M1AP: variants seen among roughly 807,000 people sequenced by gnomAD.
M1AP encodes the protein meiosis 1 arrest protein.
Under a neutral mutation model 51.2 loss-of-function variants are expected in M1AP, and 39 were observed. The observed-to-expected ratio is 0.76, with a 90% CI of 0.59 to 1.00. M1AP has a LOEUF of 1.00. Among genes scored for constraint, M1AP ranks in the 50% least tolerant of loss-of-function variants. M1AP has a pLI of 0.00. For missense variants in M1AP, 545 were observed against 641.2 expected, an observed-to-expected ratio of 0.85 and a Z score of 1.62; for synonymous variants, 251 against 249.2, an observed-to-expected ratio of 1.01 and a Z score of -0.07.
chr2:74,562,724 A>T (rs1678110892), intron 7 of M1AP, among the ~76,000 whole-genome samples: 1 of 152,198 alleles, frequency 6.6e-6, no homozygotes, highest in Non-Finnish European at 1.5e-5. Flanking sequence ...TACCACATTC[A>T]GCATACATGT....
chr2:74,613,157 C>T (rs1681467363), intron 3 of M1AP, among the ~76,000 whole-genome samples: 1 of 152,128 alleles, frequency 6.6e-6, no homozygotes. Context: ...TTCCATCTTT[C>T]TGCTTACATT....
chr2:74,624,479 T>C (rs867907670), intron 2 of M1AP, among the ~76,000 whole-genome samples: 11 of 152,184 alleles, frequency 7.2e-5, no homozygotes, highest in Non-Finnish European at 1.3e-4. Context: ...ATAACTTAGA[T>C]TGATGTTTCA....
At chr2:74,607,273 G>C in intron 3 of M1AP, 50 bp from the exon 4 acceptor site, 1 of 1,576,420 alleles carries the variant, frequency 6.3e-7, no homozygotes, top group South Asian at 1.1e-5. Flanking sequence ...GATGTACAGA[G>C]TGAGGAACAT....
At chr2:74,562,523 A>G in intron 7 of M1AP, 100 bp from the exon 8 acceptor site, 3 of 1,333,688 alleles carry the variant, frequency 2.2e-6, no homozygotes, top group Non-Finnish European at 3.1e-6. Flanking sequence ...AGGGGTGCTG[A>G]GGAGGGCAGA....
intron 5 of M1AP, among the ~76,000 whole-genome samples, chr2:74,581,380 TC>T (rs150361152): frequency 0.014 from 2,192 of 152,326 alleles, 23 homozygotes; most frequent in Non-Finnish European, 0.024. Context: ...AGAAATGTGA[TC>T]CACTGTGTTC....
chr2:74,621,379 CTGTCAAATA>C (rs2104765639), intron 2 of M1AP, among the ~76,000 whole-genome samples: 1 of 152,296 alleles, frequency 6.6e-6, no homozygotes, highest in East Asian at 1.9e-4. Flanking sequence ...AGCCGGGCCT[CTGTCAAATA>C]TGGCAGCCAC....
chr2:74,612,056 G>T (rs1352478424), intron 3 of M1AP, among the ~76,000 whole-genome samples: 1 of 150,738 alleles, frequency 6.6e-6, no homozygotes, highest in East Asian at 2.0e-4. Flanking sequence ...ACCACGCCTG[G>T]CTAATTTTTT....
At chr2:74,629,057 T>G (rs537189540) in intron 2 of M1AP, 1 of 166,810 alleles carries the variant, frequency 6.0e-6, no homozygotes, top group Non-Finnish European at 1.3e-5. Context: ...GAAAAAGAAA[T>G]GTATTATGCT....
intron 4 of M1AP, among the ~76,000 whole-genome samples, chr2:74,586,173 G>C (rs577748414): frequency 1.3e-5 from 2 of 152,280 alleles, no homozygotes; most frequent in South Asian, 4.1e-4. Flanking sequence ...TAGTCCCATA[G>C]CTTTTGGTTT....
intron 2 of M1AP, chr2:74,629,061 T>C (rs1382535982): frequency 6.0e-6 from 1 of 167,438 alleles, no homozygotes; most frequent in African/African-American, 2.4e-5. Flanking sequence ...AAGAAATGTA[T>C]TATGCTAAAG....
chr2:74,560,103 G>T, intron 9 of M1AP, 48 bp downstream of exon 9: 1 of 1,598,214 alleles, frequency 6.3e-7, no homozygotes, highest in Non-Finnish European at 8.5e-7. Flanking sequence ...TGGGCATGAA[G>T]GGGAGGGAGG....
At chr2:74,619,018 T>C in intron 2 of M1AP, 3 of 519,924 alleles carry the variant, frequency 5.8e-6, no homozygotes, top group South Asian at 4.3e-5. Context: ...TTTTCACGTC[T>C]GTACTTCATC....
chr2:74,598,950 ATTC>A (rs1312023720), intron 4 of M1AP, among the ~76,000 whole-genome samples: 1 of 151,896 alleles, frequency 6.6e-6, no homozygotes, highest in Non-Finnish European at 1.5e-5. Flanking sequence ...ATGAACAGAA[ATTC>A]TTCATTTTAA....
Position 74,560,209 on chromosome 2 carries a change from A to G in M1AP, c.1364T>C (p.Ile455Thr), listed in dbSNP as rs774441214. The change falls in exon 9 of 11, where the codon ATC (isoleucine) becomes ACC (threonine). Residue 455 changes from isoleucine to threonine, a missense_variant. Ile to Thr is a moderately conservative substitution (Grantham distance 89). Transcript: ENST00000421985. The part of the protein sequence containing the change: ...QSHLYSHLSS[I>T]YAKPQGRLHP... ...GAGCCGCCCCTGAGGCTTGGCATAG[A>G]TGCTGCTCAGGTGTGAGTACAGGTG... The G allele has an allele frequency of 6.2e-7, 1 of 1,613,912 alleles. No homozygotes were observed.
At chr2:74,601,149 A>C (rs967238717) in intron 4 of M1AP, among the ~76,000 whole-genome samples, 1 of 152,162 alleles carries the variant, frequency 6.6e-6, no homozygotes, top group Non-Finnish European at 1.5e-5. Context: ...TTGTGGAATA[A>C]AGAGTTAAAT....
Position 74,559,769 on chromosome 2 carries a change from G to T in M1AP, c.1423-60C>A. On this transcript the variant is annotated intron_variant, in intron 9 of 10. Coordinates refer to ENST00000421985, the MANE Select transcript of M1AP (RefSeq NM_001321739.2). ...GCACTTATCATAAAACCTGGCAAAT[G>T]ACTGGTGCTCTATAAATATTAATTT... is the stretch of plus-strand genomic sequence containing the variant. The T allele has an allele frequency of 4.2e-6, 3 of 716,396 alleles. No homozygotes were observed. In the South Asian group the frequency reaches 4.5e-5, roughly 11 times the overall value. 44.4% of individuals were successfully genotyped at this position (716,396 alleles called of 1,614,324 possible).
chr2:74,602,885 G>A (rs897083440), intron 4 of M1AP, among the ~76,000 whole-genome samples: 1 of 152,192 alleles, frequency 6.6e-6, no homozygotes, highest in Non-Finnish European at 1.5e-5. Flanking sequence ...TCTATACAAT[G>A]CTAGCCACTA....
At chr2:74,562,033 C>G in intron 8 of M1AP, 184 bp downstream of exon 8, 2 of 985,410 alleles carry the variant, frequency 2.0e-6, no homozygotes, top group African/African-American at 3.5e-5. Context: ...ACCCTGCTGC[C>G]ATAATCTAAG....
At chr2:74,562,832 C>A (rs532197586) in intron 7 of M1AP, among the ~76,000 whole-genome samples, 29 of 152,168 alleles carry the variant, frequency 1.9e-4, no homozygotes, top group Non-Finnish European at 2.9e-4. Flanking sequence ...GGGAGGATTC[C>A]TTGAGCCTAG....
Sources: gnomAD v4.1 joint callset for allele counts (sites outside exome capture counted in the v4.1 genomes callset) on GRCh38, gnomAD v4.1.1 for gene constraint, MANE v1.5 for transcripts, NCBI Gene and HGNC (gene_info 2026-07-23, HGNC 2026-07-21) for gene names.